Variants in TCERG1L observed in about 807,000 individuals in gnomAD.
The protein encoded by TCERG1L is transcription elongation regulator 1-like protein.
Under a neutral mutation model 56.3 loss-of-function variants are expected in TCERG1L, and 37 were observed. The ratio of observed to expected loss-of-function variants is 0.66; its 90% confidence interval spans 0.51 to 0.87. The LOEUF is 0.87. Ranked by LOEUF, TCERG1L falls within the 40% of genes least tolerant of loss-of-function variation. The pLI is 0.00. For synonymous variants in TCERG1L, 324 were observed against 326.3 expected (o/e 0.99, Z 0.08); for missense variants, 799 against 774.2 (o/e 1.03, Z -0.38).
chr10:131,154,425 C>A (rs1421619954), intron 6 of TCERG1L, among the ~76,000 whole-genome samples: 2 of 152,222 alleles, frequency 1.3e-5, no homozygotes, highest in African/African-American at 4.8e-5. Flanking sequence ...CCATCTTTCA[C>A]CCCTGAATGC....
intron 4 of TCERG1L, among the ~76,000 whole-genome samples, chr10:131,183,152 C>T (rs1013820390): frequency 9.2e-5 from 14 of 152,132 alleles, no homozygotes; most frequent in South Asian, 6.2e-4. Context: ...TTTCAAACGA[C>T]GGGGAGGGGG....
chr10:131,140,143 C>A (rs1415475442), intron 7 of TCERG1L, among the ~76,000 whole-genome samples: 3 of 152,344 alleles, frequency 2.0e-5, no homozygotes, highest in Middle Eastern at 3.4e-3. Flanking sequence ...TCCCACTCAT[C>A]ACATTTCTCT....
chr10:131,253,969 C>T (rs1047947083), intron 4 of TCERG1L, among the ~76,000 whole-genome samples: 5 of 144,152 alleles, frequency 3.5e-5, no homozygotes, highest in African/African-American at 4.9e-5. Flanking sequence ...GAAAAGCAAA[C>T]GCAACAGTGA....
intron 4 of TCERG1L, among the ~76,000 whole-genome samples, chr10:131,211,643 C>G (rs1480143687): frequency 6.6e-6 from 1 of 152,150 alleles, no homozygotes; most frequent in African/African-American, 2.4e-5. Flanking sequence ...TGAAGGCAAC[C>G]TATTTTATTA....
chr10:131,300,308 C>T (rs560988936), intron 3 of TCERG1L, among the ~76,000 whole-genome samples: 5 of 152,098 alleles, frequency 3.3e-5, no homozygotes, highest in Non-Finnish European at 5.9e-5. Flanking sequence ...TTGTTCATTA[C>T]GTCTTCAAAT....
At chr10:131,226,731 AGT>A (rs1262486424) in intron 4 of TCERG1L, among the ~76,000 whole-genome samples, 1 of 152,272 alleles carries the variant, frequency 6.6e-6, no homozygotes, top group African/African-American at 2.4e-5. Context: ...AAATAATTAT[AGT>A]TTAGAAGTGT....
At chr10:131,272,032 G>A (rs1173829428) in intron 3 of TCERG1L, among the ~76,000 whole-genome samples, 4 of 152,218 alleles carry the variant, frequency 2.6e-5, no homozygotes, top group Non-Finnish European at 5.9e-5. Flanking sequence ...GGCCCAGCAA[G>A]CTTCACAGGG....
chr10:131,301,495 C>T (rs1184556788), intron 3 of TCERG1L, among the ~76,000 whole-genome samples: 3 of 151,888 alleles, frequency 2.0e-5, no homozygotes, highest in African/African-American at 7.3e-5. Flanking sequence ...ATTGTTAGTT[C>T]TTGTTTTAGC....
chr10:131,296,170 T>C (rs1197957625), intron 3 of TCERG1L, among the ~76,000 whole-genome samples: 1 of 152,214 alleles, frequency 6.6e-6, no homozygotes, highest in Non-Finnish European at 1.5e-5. Context: ...TTTGGTGTCA[T>C]GTATTAAAAA....
intron 2 of TCERG1L, 53 bp downstream of exon 2, chr10:131,309,100 G>A (rs556015887): frequency 3.8e-5 from 60 of 1,567,500 alleles, no homozygotes; most frequent in Non-Finnish European, 4.6e-5. Flanking sequence ...GTCGATGTTC[G>A]ACAACTTAAT....
rs1845428526 is a variant in TCERG1L, at chr10:131,113,445, A to T, written c.1395+3354T>A. The stretch of plus-strand genomic sequence containing the variant: ...GAGGGAAGGGCACCAGATGTTACTC[A>T]TCCGGGGAGACGGACAGGGCAAGGC... On this transcript the variant is annotated intron_variant, in intron 9 of 11. Transcript: ENST00000368642. Among the ~76,000 whole-genome samples the T allele has an allele frequency of 1.4e-5, 2 of 142,022 alleles. 1 individual carries two copies. The highest frequency in any genetic ancestry group is 3.2e-5 in the Non-Finnish European group (2 of 63,158). The allele number at this position is 142,022 out of a possible 152,430, so 93.2% of individuals were successfully genotyped here. A position where few individuals can be genotyped will look rare whatever the true frequency, so the allele number is the denominator to read the frequency against.
chr10:131,148,906 G>A (rs2154031), intron 6 of TCERG1L, among the ~76,000 whole-genome samples: 7 of 152,296 alleles, frequency 4.6e-5, no homozygotes, highest in African/African-American at 1.7e-4. Context: ...CCCTCGGGGC[G>A]ACTCTGTCCT....
intron 3 of TCERG1L, among the ~76,000 whole-genome samples, chr10:131,271,934 T>C (rs559080412): frequency 1.3e-5 from 2 of 152,360 alleles, no homozygotes; most frequent in East Asian, 1.9e-4. Flanking sequence ...TCAGGCGCTG[T>C]AGCTACCAAC....
chr10:131,307,853 CCA>C (rs1308004709), intron 3 of TCERG1L, among the ~76,000 whole-genome samples: 4 of 152,102 alleles, frequency 2.6e-5, no homozygotes, highest in African/African-American at 7.2e-5. Flanking sequence ...TTGCACGTCG[CCA>C]CAGAGAGGCA....
intron 9 of TCERG1L, among the ~76,000 whole-genome samples, chr10:131,104,701 C>G (rs1215129338): frequency 6.6e-6 from 1 of 152,106 alleles, no homozygotes; most frequent in African/African-American, 2.4e-5. Flanking sequence ...TTTTCAGAAC[C>G]CCCACAGACC....
At chr10:131,309,850 A>AAAAAAAAAAC in intron 1 of TCERG1L, among the ~76,000 whole-genome samples, 1 of 150,130 alleles carries the variant, frequency 6.7e-6, no homozygotes, top group Non-Finnish European at 1.5e-5. Context: ...AAAAAAAAAA[A>AAAAAAAAAAC]AAAAAAAAAC....
At chr10:131,157,832 G>C (rs1052277956) in intron 6 of TCERG1L, among the ~76,000 whole-genome samples, 1 of 152,146 alleles carries the variant, frequency 6.6e-6, no homozygotes, top group South Asian at 2.1e-4. Flanking sequence ...CCTGGGACAC[G>C]GTATCCTTGA....
chr10:131,278,563 G>A (rs145464164), intron 3 of TCERG1L, among the ~76,000 whole-genome samples: 105 of 151,884 alleles, frequency 6.9e-4, no homozygotes, highest in African/African-American at 2.2e-3. Flanking sequence ...GCTTGGTCTC[G>A]AACCCCTGAC....
intron 11 of TCERG1L, among the ~76,000 whole-genome samples, chr10:131,094,108 G>A (rs772639810): frequency 1.8e-4 from 28 of 152,300 alleles, no homozygotes; most frequent in African/African-American, 6.0e-4. Flanking sequence ...AACAGGATGC[G>A]CCTCTGCTGT....
Sources: gnomAD v4.1 joint callset for allele counts (sites outside exome capture counted in the v4.1 genomes callset) on GRCh38, gnomAD v4.1.1 for gene constraint, MANE v1.5 for transcripts, NCBI Gene and HGNC (gene_info 2026-07-23, HGNC 2026-07-21) for gene names.